TG: variants seen among roughly 807,000 people sequenced by gnomAD.
The protein encoded by TG is thyroglobulin.
In TG, 270 loss-of-function variants were observed where a neutral mutation model predicts 324.7. The observed-to-expected ratio is 0.83, with a 90% CI of 0.75 to 0.92. The LOEUF (loss-of-function observed/expected upper bound fraction) is 0.92. Among genes scored for constraint, TG ranks in the 40% least tolerant of loss-of-function variants. TG has a pLI of 0.00. For synonymous variants in TG, 1,401 were observed against 1,327.0 expected (o/e 1.06, Z -1.21); for missense variants, 3,591 against 3,456.4 (o/e 1.04, Z -0.98).
At position 132,933,603 on chromosome 8, in the gene TG, C is replaced by T. The variant is rs115902639; in HGVS notation, c.4859C>T (p.Thr1620Met). The T allele has an allele frequency of 3.4e-4, 547 of 1,614,104 alleles. 2 individuals are homozygous for T. The East Asian group carries it at 0.011, about 32-fold the overall frequency. The change falls in exon 24 of 48, where the codon ACG (threonine) becomes ATG (methionine). Residue 1620 changes from threonine (T) to methionine (M), a missense_variant. By Grantham distance (81) the Thr-to-Met change is moderately conservative (BLOSUM62 -1). Transcript: ENST00000220616. ...GCCTGCAGCTTCTTCACCGTGTCCA[C>T]GACGGAGCCAGAGATTTCCTGTGAT... Reference protein sequence around the residue: ...DEACSFFTVSTTEPEISCDFY... With the variant: ...DEACSFFTVSMTEPEISCDFY...
In TG at chr8:132,886,850, G is replaced by A. The variant is rs775691174; in HGVS notation, c.1478G>A (p.Gly493Asp). The change falls in exon 9 of 48, where the codon GGC (glycine) becomes GAC (aspartate). Residue 493 changes from glycine (G) to aspartate (D), a missense_variant. Physicochemically the swap from Gly to Asp is moderately conservative, Grantham distance 94. Coordinates refer to ENST00000220616, the MANE Select transcript of TG (RefSeq NM_003235.5). ...TTGTCTGGAGCCCTTGGCACAAGAG[G>A]CACATTTAACTTCAGTCAATTTTTC... Reference protein sequence around the residue: ...FNLSGALGTRGTFNFSQFFQQ... With the variant: ...FNLSGALGTRDTFNFSQFFQQ... The A allele has an allele frequency of 3.1e-6, 5 of 1,614,194 alleles. No homozygotes were observed. In the East Asian group the frequency reaches 8.9e-5, roughly 29 times the overall value.
intron 41 of TG, chr8:133,047,136 T>C (rs1839570717): frequency 6.6e-6 from 1 of 152,250 alleles, no homozygotes; most frequent in Non-Finnish European, 1.5e-5. Flanking sequence ...AAGCAGTAAA[T>C]TAGTAATTTG....
intron 35 of TG, among the ~76,000 whole-genome samples, chr8:132,998,522 T>C (rs1035223325): frequency 6.6e-6 from 1 of 151,924 alleles, no homozygotes; most frequent in African/African-American, 2.4e-5. Flanking sequence ...GTTAGTCCCA[T>C]TGGGAGGAAG....
At chr8:132,942,526 T>C (rs1563983748) in intron 26 of TG, among the ~76,000 whole-genome samples, 1 of 152,202 alleles carries the variant, frequency 6.6e-6, no homozygotes, top group Non-Finnish European at 1.5e-5. Context: ...GAGACTCCAA[T>C]TGATCACCAT....
intron 35 of TG, among the ~76,000 whole-genome samples, chr8:132,984,173 C>T (rs758976045): frequency 6.6e-6 from 1 of 152,242 alleles, no homozygotes; most frequent in African/African-American, 2.4e-5. Flanking sequence ...ATGTTAATTC[C>T]TGTCCTGTGA....
intron 45 of TG, among the ~76,000 whole-genome samples, chr8:133,129,697 A>T (rs4576410): frequency 0.3 from 45,337 of 151,800 alleles, 8,447 homozygotes; most frequent in African/African-American, 0.53. Flanking sequence ...GGATTTTGTC[A>T]TGTTGCCCAG....
intron 41 of TG, among the ~76,000 whole-genome samples, chr8:133,084,248 GCAGTC>G (rs1846172752): frequency 1.3e-5 from 2 of 152,282 alleles, no homozygotes; most frequent in African/African-American, 4.8e-5. Flanking sequence ...CTCTGTCTAG[GCAGTC>G]CCCACTGCTC....
intron 32 of TG, among the ~76,000 whole-genome samples, chr8:132,971,090 C>T (rs890763366): frequency 4.6e-5 from 7 of 152,172 alleles, no homozygotes; most frequent in South Asian, 2.1e-4. Flanking sequence ...GCAGAGTGGT[C>T]GGGGCAGGGG....
chr8:133,027,159 G>A (rs1445351628), intron 40 of TG, among the ~76,000 whole-genome samples: 2 of 152,236 alleles, frequency 1.3e-5, no homozygotes, highest in Non-Finnish European at 2.9e-5. Flanking sequence ...CCAGAACAGT[G>A]CTAAGGGGCT....
chr8:132,983,605 T>C, intron 35 of TG, 193 bp downstream of exon 35: 1 of 634,914 alleles, frequency 1.6e-6, no homozygotes, highest in Non-Finnish European at 2.8e-6. Context: ...ATGAGAAAAT[T>C]GACTCACGGG....
At chr8:132,963,865 C>T (rs1235312676) in intron 29 of TG, among the ~76,000 whole-genome samples, 2 of 152,072 alleles carry the variant, frequency 1.3e-5, no homozygotes, top group Admixed American at 6.5e-5. Context: ...TACTAGAGCT[C>T]GAACCATGTT....
chr8:132,914,085 A>G (rs1330772246), intron 20 of TG, among the ~76,000 whole-genome samples: 1 of 152,220 alleles, frequency 6.6e-6, no homozygotes, highest in East Asian at 1.9e-4. Context: ...CAAGGACCTT[A>G]GAACTACACA....
chr8:133,001,328 G>A (rs1331540045), intron 35 of TG, among the ~76,000 whole-genome samples: 1 of 152,140 alleles, frequency 6.6e-6, no homozygotes, highest in Non-Finnish European at 1.5e-5. Flanking sequence ...CTCAACAGTA[G>A]GTATTTGGAG....
intron 43 of TG, among the ~76,000 whole-genome samples, chr8:133,100,194 T>C (rs1331943681): frequency 6.6e-6 from 1 of 152,194 alleles, no homozygotes; most frequent in Non-Finnish European, 1.5e-5. Context: ...TGTTTTTTCT[T>C]CTGGAATGTT....
Position 132,966,579 on chromosome 8 carries a change from C to G in TG, c.5568C>G (p.Phe1856Leu). 6.2e-7 allele frequency: 1 copy of G among 1,614,098 alleles called. No individual in the cohort carries two copies. Among genetic ancestry groups the G allele is most frequent in the South Asian group, 1.1e-5 (1 of 91,086 alleles). ...PTEAGLTTEL[F>L]SPVDLNQVIV... ...TTTCAGGTTTGACAACAGAACTTTT[C>G]TCCCCTGTGGACCTCAACCAGGTCA... Residue 1856 changes from phenylalanine to leucine, a missense_variant, in exon 30 of 48, where the codon TTC becomes TTG. Phe to Leu is a conservative substitution (Grantham distance 22). Transcript: ENST00000220616.
At chr8:132,883,166 A>G (rs1814906443) in intron 8 of TG, 167 bp downstream of exon 8, 1 of 695,284 alleles carries the variant, frequency 1.4e-6, no homozygotes, top group Non-Finnish European at 2.4e-6. Flanking sequence ...TTAACTTCCA[A>G]CATGTTTCTC....
chr8:132,903,985 G>T (rs1818306317), intron 16 of TG, among the ~76,000 whole-genome samples: 1 of 152,190 alleles, frequency 6.6e-6, no homozygotes, highest in Non-Finnish European at 1.5e-5. Flanking sequence ...TTAGGGGATG[G>T]ACTTGCTCAG....
At chr8:133,015,478 T>G (rs1345489968) in intron 37 of TG, among the ~76,000 whole-genome samples, 1 of 152,216 alleles carries the variant, frequency 6.6e-6, no homozygotes, top group African/African-American at 2.4e-5. Flanking sequence ...TTGAAAGAGA[T>G]AACTTCACAT....
intron 13 of TG, 62 bp downstream of exon 13, chr8:132,898,308 A>C: frequency 6.7e-7 from 1 of 1,498,700 alleles, no homozygotes; most frequent in Non-Finnish European, 9.1e-7. Context: ...TGGTCTAGTC[A>C]GCTGTGGTTG....
Sources: gnomAD v4.1 joint callset for allele counts (sites outside exome capture counted in the v4.1 genomes callset) on GRCh38, gnomAD v4.1.1 for gene constraint, MANE v1.5 for transcripts, NCBI Gene and HGNC (gene_info 2026-07-23, HGNC 2026-07-21) for gene names.